Variants in NAV2 observed in about 807,000 individuals in gnomAD.
The protein encoded by NAV2 is neuron navigator 2, also known as helicase, APC down-regulated 1.
In NAV2, 54 loss-of-function variants were observed where a neutral mutation model predicts 223.2. That is an observed-to-expected ratio of 0.24 (90% confidence interval 0.19 to 0.30). The LOEUF is 0.30. NAV2 is among the 10% of genes least tolerant of loss of function. The probability of loss-of-function intolerance (pLI) is 1.00; values close to 1 mark genes in which losing one functional copy is unlikely to be tolerated. For missense variants in NAV2, 2,806 were observed against 3,147.5 expected (o/e 0.89, Z 2.60); for synonymous variants, 1,279 against 1,239.3 (o/e 1.03, Z -0.67).
At chr11:19,794,377 A>G (rs1045735655) in intron 1 of NAV2, among the ~76,000 whole-genome samples, 4 of 152,044 alleles carry the variant, frequency 2.6e-5, no homozygotes, top group African/African-American at 9.6e-5. Flanking sequence ...CTGAGAGCCT[A>G]CTCTTATGGG....
chr11:19,453,549 G>A (rs1174824064), intron 1 of NAV2, among the ~76,000 whole-genome samples: 3 of 152,138 alleles, frequency 2.0e-5, no homozygotes, highest in African/African-American at 2.4e-5. Flanking sequence ...ACACCTTCTG[G>A]AGCCCCCATG....
chr11:20,100,314 A>G (rs1233690239), intron 31 of NAV2, among the ~76,000 whole-genome samples: 1 of 152,204 alleles, frequency 6.6e-6, no homozygotes, highest in Non-Finnish European at 1.5e-5. Context: ...CCAGCTAACA[A>G]CATTTCAGGC....
chr11:20,044,002 C>G lies in NAV2; in HGVS notation c.2929C>G (p.Gln977Glu). The part of the protein sequence containing the change: ...DVQTDAEKHS[Q>E]VERNSLWSGD... The stretch of plus-strand genomic sequence containing the variant: ...ACAGACTGATGCTGAGAAGCACTCA[C>G]AGGTGGAGAGGAATTCCCTGTGGTC... Residue 977 changes from glutamine to glutamate, a missense_variant, in exon 13 of 38, where the codon CAG becomes GAG. Physicochemically the swap from Gln to Glu is conservative, Grantham distance 29 (BLOSUM62 2). This residue lies in a region of NAV2 where 73 missense variants were observed against 119.7 expected (regional missense o/e 0.61). Transcript: ENST00000349880. 6.8e-6 allele frequency: 11 copies of G among 1,614,056 alleles called. No homozygotes were observed. The highest frequency in any genetic ancestry group is 8.5e-6 in the Non-Finnish European group (10 of 1,179,948).
chr11:19,769,245 A>AT (rs2055504395), intron 1 of NAV2, among the ~76,000 whole-genome samples: 1 of 152,190 alleles, frequency 6.6e-6, no homozygotes, highest in Non-Finnish European at 1.5e-5. Context: ...GCTCTGGAGG[A>AT]CCTCCGTACT....
intron 6 of NAV2, among the ~76,000 whole-genome samples, chr11:19,916,672 C>G (rs950313596): frequency 1.3e-5 from 2 of 152,206 alleles, no homozygotes; most frequent in African/African-American, 4.8e-5. Context: ...TATTCTGGAG[C>G]AAGGGATAGC....
chr11:19,499,370 C>A (rs1163324881), intron 1 of NAV2, among the ~76,000 whole-genome samples: 7 of 152,196 alleles, frequency 4.6e-5, no homozygotes, highest in Admixed American at 4.6e-4. Context: ...ACCATGCTGA[C>A]CCCACACAGG....
At chr11:19,899,091 G>A (rs923414164) in intron 6 of NAV2, among the ~76,000 whole-genome samples, 1 of 152,052 alleles carries the variant, frequency 6.6e-6, no homozygotes, top group Non-Finnish European at 1.5e-5. Flanking sequence ...TTCAGTTGGC[G>A]CTGGCTATTG....
chr11:19,370,557 A>G (rs2133853942), intron 1 of NAV2, among the ~76,000 whole-genome samples: 1 of 152,384 alleles, frequency 6.6e-6, no homozygotes, highest in South Asian at 2.1e-4. Flanking sequence ...GACCATGTGG[A>G]GAACAATTAC....
chr11:19,994,552 GAAAAAAA>G (rs1166444365), intron 11 of NAV2, among the ~76,000 whole-genome samples: 3 of 62,980 alleles, frequency 4.8e-5, no homozygotes, highest in African/African-American at 5.7e-5. Context: ...CTGTCTCAAA[GAAAAAAA>G]AAAAAAAAAA....
chr11:20,045,117 G>A lies in NAV2; in HGVS notation c.3349G>A (p.Ala1117Thr), dbSNP rs2057312302. ...CAGCTCTAGGACACCTACTGCCAAT[G>A]CCAACAGCTTTGGGTTCAAGAAGCA... ...PSSSRTPTAN[A>T]NSFGFKKQSG... is the part of the protein sequence containing the mutation. Residue 1117 changes from alanine to threonine, a missense_variant, in exon 14 of 38, where the codon GCC becomes ACC. Coordinates refer to ENST00000349880, the MANE Select transcript of NAV2 (RefSeq NM_145117.5). The A allele has an allele frequency of 6.2e-7, 1 of 1,614,166 alleles. No individual in the cohort carries two copies. The highest frequency in any genetic ancestry group is 1.3e-5 in the African/African-American group (1 of 75,052).
chr11:19,755,810 G>A (rs539887013), intron 1 of NAV2, among the ~76,000 whole-genome samples: 1 of 152,220 alleles, frequency 6.6e-6, no homozygotes, highest in Non-Finnish European at 1.5e-5. Flanking sequence ...AGAGGCCAAA[G>A]AAGAGACCCA....
chr11:19,597,807 G>T (rs2046243575), intron 1 of NAV2, among the ~76,000 whole-genome samples: 1 of 152,230 alleles, frequency 6.6e-6, no homozygotes. Context: ...AGGAATGTCT[G>T]CACAGAACTG....
intron 10 of NAV2, among the ~76,000 whole-genome samples, chr11:19,960,589 T>TTTTATTTATTTATTTATTTA (rs5790101): frequency 2.5e-4 from 35 of 141,718 alleles, no homozygotes; most frequent in African/African-American, 8.8e-4. Context: ...TTTTTTAAAA[T>TTTTATTTATTTATTTATTTA]TTTATTTATT....
chr11:19,449,905 G>A (rs527644273), intron 1 of NAV2, among the ~76,000 whole-genome samples: 4 of 146,786 alleles, frequency 2.7e-5, no homozygotes, highest in South Asian at 2.1e-4. Flanking sequence ...GGCTTCATTC[G>A]GTTATGGTGA....
intron 10 of NAV2, chr11:19,979,323 A>G (rs1038790038): frequency 1.8e-4 from 28 of 152,214 alleles, no homozygotes; most frequent in Admixed American, 1.4e-3. Flanking sequence ...ACCTTCATGT[A>G]TCCCCCATCT....
chr11:20,063,953 T>C (rs550185056), intron 20 of NAV2, among the ~76,000 whole-genome samples: 14 of 152,292 alleles, frequency 9.2e-5, no homozygotes, highest in Middle Eastern at 6.8e-3. Flanking sequence ...ATTGCTGATA[T>C]GGTCTGTTTT....
intron 1 of NAV2, among the ~76,000 whole-genome samples, chr11:19,686,315 C>T (rs1173821090): frequency 6.6e-6 from 1 of 152,210 alleles, no homozygotes; most frequent in Non-Finnish European, 1.5e-5. Flanking sequence ...CCTCCCCCTC[C>T]CAGACTGGGA....
intron 1 of NAV2, among the ~76,000 whole-genome samples, chr11:19,775,455 A>G (rs2056084489): frequency 1.3e-5 from 2 of 152,188 alleles, no homozygotes. Context: ...GGACACTAGG[A>G]CAATCATCAA....
At chr11:20,022,122 G>A (rs757555629) in intron 11 of NAV2, among the ~76,000 whole-genome samples, 14 of 152,230 alleles carry the variant, frequency 9.2e-5, no homozygotes, top group Non-Finnish European at 1.2e-4. Context: ...TTTTTGGAGA[G>A]GGAGTCAGGG....
Sources: allele counts gnomAD v4.1 joint callset (sites outside exome capture counted in the v4.1 genomes callset), GRCh38; gene constraint gnomAD v4.1.1; regional missense constraint gnomAD v4.1.1; transcripts MANE v1.5; gene names NCBI Gene and HGNC (gene_info 2026-07-23, HGNC 2026-07-21).